ITPRID1: variants seen among roughly 807,000 people sequenced by gnomAD.
ITPRID1 encodes the protein ITPR interacting domain containing 1, also known as protein ITPRID1.
A neutral mutation model predicts 95.4 loss-of-function variants in ITPRID1; 96 were observed. That is an observed-to-expected ratio of 1.01 (90% CI 0.85 to 1.19). The LOEUF (loss-of-function observed/expected upper bound fraction) is 1.19. ITPRID1 is among the 50% of genes most tolerant of loss of function. The pLI is 0.00. For synonymous variants in ITPRID1, 510 were observed against 453.6 expected, an observed-to-expected ratio of 1.12 and a Z score of -1.58; for missense variants, 1,339 against 1,252.9, an observed-to-expected ratio of 1.07 and a Z score of -1.04.
chr7:31,529,866 C>A, intron 1 of ITPRID1: 14 of 1,451,094 alleles, frequency 9.6e-6, no homozygotes, highest in Non-Finnish European at 1.3e-5. Flanking sequence ...TTTAATCCAG[C>A]CTGTTGGGGA....
At chr7:31,530,808 G>C (rs12701111) in intron 1 of ITPRID1, among the ~76,000 whole-genome samples, 88,630 of 151,910 alleles carry the variant, frequency 0.58, 26,912 homozygotes, top group Middle Eastern at 0.71. Context: ...TTCATTGTTT[G>C]TTTCATAATG....
Position 31,578,293 on chromosome 7 carries a change from G to A in ITPRID1, c.1029G>A (p.Pro343=), listed in dbSNP as rs776617154. The change falls in exon 9 of 15, where the codon CCG becomes CCA. Residue 343 remains proline, a synonymous_variant. Coordinates refer to ENST00000615280, the MANE Select transcript of ITPRID1 (RefSeq NM_001257967.3). ...LSKQWPCSSM[P]AKQAPPSCVS... The stretch of plus-strand genomic sequence containing the variant: ...AGCAGTGGCCTTGCTCATCTATGCC[G>A]GCCAAGCAGGCTCCTCCTTCCTGTG... 9.9e-6 allele frequency: 16 copies of A among 1,612,798 alleles called. No homozygotes were observed. In the Admixed American group the frequency reaches 1.0e-4, roughly 10 times the overall value.
intron 10 of ITPRID1, among the ~76,000 whole-genome samples, chr7:31,623,868 A>T (rs1232512061): frequency 1.3e-5 from 2 of 152,120 alleles, no homozygotes; most frequent in Non-Finnish European, 2.9e-5. Context: ...ATATGTAGAA[A>T]ACCCCATTGT....
chr7:31,540,362 T>C (rs1437464090), intron 1 of ITPRID1, among the ~76,000 whole-genome samples: 1 of 152,192 alleles, frequency 6.6e-6, no homozygotes, highest in African/African-American at 2.4e-5. Flanking sequence ...TGCTGAAACA[T>C]CTAGTTTTCA....
chr7:31,538,317 A>G (rs1162601314), intron 1 of ITPRID1, among the ~76,000 whole-genome samples: 1 of 152,206 alleles, frequency 6.6e-6, no homozygotes, highest in East Asian at 1.9e-4. Context: ...TGCAGATATA[A>G]TGCTCTTTTT....
At chr7:31,585,450 A>G (rs1208721949) in intron 10 of ITPRID1, among the ~76,000 whole-genome samples, 2 of 152,196 alleles carry the variant, frequency 1.3e-5, no homozygotes, top group African/African-American at 4.8e-5. Context: ...TGCCACTTAA[A>G]TGGCAAGGGA....
At chr7:31,597,501 AC>A (rs762193374) in intron 10 of ITPRID1, among the ~76,000 whole-genome samples, 56 of 150,434 alleles carry the variant, frequency 3.7e-4, no homozygotes, top group South Asian at 1.0e-3. Context: ...AAAAAAAAAA[AC>A]CCCACAACAA....
chr7:31,640,350 C>T (rs1365385011), intron 10 of ITPRID1, among the ~76,000 whole-genome samples: 1 of 152,156 alleles, frequency 6.6e-6, no homozygotes, highest in African/African-American at 2.4e-5. Context: ...ATGAGCTCAT[C>T]AGTACTCAGC....
chr7:31,523,908 C>G (rs1783345454), intron 1 of ITPRID1, among the ~76,000 whole-genome samples: 1 of 152,098 alleles, frequency 6.6e-6, no homozygotes, highest in Non-Finnish European at 1.5e-5. Flanking sequence ...GGGCTTTTTT[C>G]TTACTAAGGT....
At chr7:31,637,040 C>T (rs1342480067) in intron 10 of ITPRID1, among the ~76,000 whole-genome samples, 1 of 151,984 alleles carries the variant, frequency 6.6e-6, no homozygotes, top group African/African-American at 2.4e-5. Context: ...CCAGCTTCAT[C>T]CATGTCCCTA....
chr7:31,570,720 T>C (rs936680796), intron 6 of ITPRID1, among the ~76,000 whole-genome samples: 4 of 152,176 alleles, frequency 2.6e-5, no homozygotes, highest in African/African-American at 9.7e-5. Flanking sequence ...AACTCGTGCT[T>C]CCAGGCTTTA....
In ITPRID1 at chr7:31,656,394, A is replaced by G. The variant is rs767861574; in HGVS notation, c.*3565A>G. The G allele has an allele frequency of 2.8e-5, 13 of 460,482 alleles. No homozygotes were observed. The highest frequency in any genetic ancestry group is 3.7e-5 in the Non-Finnish European group (13 of 350,810). The allele number at this position is 460,482 out of a possible 1,614,324, so 28.5% of individuals were successfully genotyped here. On this transcript the variant is annotated 3_prime_UTR_variant, in exon 15 of 15. Transcript: ENST00000615280. ...AGAGTTGTTGGACAGAATAAATACC[A>G]TGAATCCTGTGCAGTGTTTAATCCA...
intron 10 of ITPRID1, among the ~76,000 whole-genome samples, chr7:31,599,967 G>A (rs1786322300): frequency 6.6e-6 from 1 of 151,762 alleles, no homozygotes; most frequent in African/African-American, 2.4e-5. Flanking sequence ...CAAAGTGCTG[G>A]GATTACAGGC....
At chr7:31,552,955 A>C in intron 2 of ITPRID1, 47 bp from the exon 3 acceptor site, 1 of 1,539,258 alleles carries the variant, frequency 6.5e-7, no homozygotes, top group Non-Finnish European at 8.8e-7. Context: ...CCAAGCCCAG[A>C]AGCTGAACTC....
intron 1 of ITPRID1, among the ~76,000 whole-genome samples, chr7:31,533,022 A>C (rs1374973385): frequency 6.6e-6 from 1 of 152,150 alleles, no homozygotes; most frequent in Non-Finnish European, 1.5e-5. Flanking sequence ...AGTGTTATAC[A>C]AGGAATTGAA....
At chr7:31,575,885 A>AT (rs11396309) in intron 8 of ITPRID1, among the ~76,000 whole-genome samples, 139,043 of 150,586 alleles carry the variant, frequency 0.92, 64,632 homozygotes, top group East Asian at 0.99. Flanking sequence ...CAGGAATGAT[A>AT]TTTTTTTTTT....
intron 10 of ITPRID1, among the ~76,000 whole-genome samples, chr7:31,610,953 T>G (rs2128164591): frequency 6.6e-6 from 1 of 151,918 alleles, no homozygotes; most frequent in African/African-American, 2.4e-5. Context: ...CTATTTAGAT[T>G]TAATGTAATT....
chr7:31,609,058 T>C (rs1786748200), intron 10 of ITPRID1, among the ~76,000 whole-genome samples: 1 of 151,728 alleles, frequency 6.6e-6, no homozygotes, highest in Admixed American at 6.6e-5. Context: ...GTCAAATGCT[T>C]TTTTGGCATC....
intron 10 of ITPRID1, among the ~76,000 whole-genome samples, chr7:31,615,249 G>T (rs1787097046): frequency 6.6e-6 from 1 of 152,048 alleles, no homozygotes. Context: ...GATTTGACAT[G>T]CATGCTTTAA....
Sources: allele counts gnomAD v4.1 joint callset (sites outside exome capture counted in the v4.1 genomes callset), GRCh38; gene constraint gnomAD v4.1.1; transcripts MANE v1.5; gene names NCBI Gene and HGNC (gene_info 2026-07-23, HGNC 2026-07-21).